The following FOCAD variants were observed in gnomAD, a reference collection of about 807,000 sequenced individuals.
FOCAD encodes KIAA1797.
Under a neutral mutation model 225.6 loss-of-function variants are expected in FOCAD, and 198 were observed. The observed-to-expected ratio is 0.88, with a 90% CI of 0.78 to 0.99. The LOEUF (loss-of-function observed/expected upper bound fraction) is 0.99, where lower values mean the gene tolerates loss of function less well. Among genes scored for constraint, FOCAD ranks in the 50% least tolerant of loss-of-function variants. The pLI is 0.00. For missense variants in FOCAD, 2,713 were observed against 2,123.6 expected, an observed-to-expected ratio of 1.28 and a Z score of -5.46; for synonymous variants, 897 against 755.0, an observed-to-expected ratio of 1.19 and a Z score of -3.08.
intron 22 of FOCAD, among the ~76,000 whole-genome samples, chr9:20,911,386 C>T (rs566472724): frequency 9.9e-5 from 15 of 152,208 alleles, no homozygotes; most frequent in Admixed American, 3.3e-4. Flanking sequence ...ATAAATAGTC[C>T]TTGACCTCAC....
intron 29 of FOCAD, 67 bp downstream of exon 29, chr9:20,944,841 G>A: frequency 6.8e-7 from 1 of 1,474,404 alleles, no homozygotes; most frequent in Non-Finnish European, 9.1e-7. Context: ...CACTTATTTT[G>A]GACTTACCAT....
Position 20,898,179 on chromosome 9 carries a change from T to C in FOCAD, c.2626-8971T>C, listed in dbSNP as rs75318774. ...CAGAATTTAAAAAAATCATTGCTTT[T>C]ATGTAGTTTAAATACAATATACAAA... On this transcript the variant is annotated intron_variant, in intron 21 of 43. Coordinates refer to ENST00000338382, the MANE Select transcript of FOCAD (RefSeq NM_001375567.1). 8.5e-3 allele frequency among the ~76,000 whole-genome samples: 1,288 copies of C among 152,040 alleles called. 3 individuals are homozygous for C. The highest frequency in any genetic ancestry group is 0.011 in the Non-Finnish European group (746 of 67,862).
chr9:20,673,720 A>C (rs1423846009), intron 2 of FOCAD, among the ~76,000 whole-genome samples: 2 of 152,000 alleles, frequency 1.3e-5, no homozygotes, highest in Admixed American at 1.3e-4. Context: ...CTCCCACCTC[A>C]GCCTCCCAGG....
At chr9:20,825,940 A>G (rs1824843687) in intron 15 of FOCAD, among the ~76,000 whole-genome samples, 1 of 152,086 alleles carries the variant, frequency 6.6e-6, no homozygotes, top group Non-Finnish European at 1.5e-5. Flanking sequence ...ATCTTGGCTG[A>G]CCATAAAGGC....
chr9:20,888,470 C>G lies in FOCAD; in HGVS notation c.2625+3240C>G, dbSNP rs569779728. On this transcript the variant is annotated intron_variant, in intron 21 of 43. Coordinates refer to ENST00000338382, the MANE Select transcript of FOCAD (RefSeq NM_001375567.1). ...TTTATAATGTATTTTGAAGAGTGGA[C>G]TTTTCATTTTGAAGAATTTCAACTT... Among the ~76,000 whole-genome samples, 7 of 152,140 alleles carry G rather than the reference C, an allele frequency of 4.6e-5. No homozygotes were observed. The East Asian group carries it at 1.4e-3, about 29-fold the overall frequency.
chr9:20,688,113 A>G (rs1822771547), intron 1 of FOCAD, among the ~76,000 whole-genome samples: 1 of 152,248 alleles, frequency 6.6e-6, no homozygotes, highest in Admixed American at 6.5e-5. Context: ...GTTCTCTTCC[A>G]CACCGTGTTA....
Position 20,948,871 on chromosome 9 carries a change from T to G in FOCAD, c.3819T>G (p.Cys1273Trp). The change falls in exon 32 of 44, where the codon TGT (cysteine) becomes TGG (tryptophan). Residue 1273 changes from cysteine (C) to tryptophan (W), a missense_variant. Transcript: ENST00000338382. ...TTCAGGGCACTCCCACAATGCTTTG[T>G]CTGGCAGCTCTTCATGGCATGGTGG... ...VLTEGTPTML[C>W]LAALHGMVAL... 1 of 1,613,578 alleles carries G rather than the reference T, an allele frequency of 6.2e-7. No homozygotes were observed.
intron 5 of FOCAD, among the ~76,000 whole-genome samples, chr9:20,748,924 A>G (rs887759657): frequency 6.6e-6 from 1 of 152,146 alleles, no homozygotes; most frequent in African/African-American, 2.4e-5. Flanking sequence ...GTAGATGTTT[A>G]ATTGAAAGAT....
chr9:20,831,778 A>G (rs1209633552), intron 15 of FOCAD, among the ~76,000 whole-genome samples: 2 of 152,068 alleles, frequency 1.3e-5, no homozygotes, highest in African/African-American at 4.8e-5. Context: ...TAGAGTTTTG[A>G]AAAGCTTACT....
chr9:20,894,687 A>G (rs1040416720), intron 21 of FOCAD, among the ~76,000 whole-genome samples: 6 of 151,984 alleles, frequency 3.9e-5, no homozygotes, highest in Non-Finnish European at 7.4e-5. Context: ...TAGGTTTTTC[A>G]TAGTTGAGTT....
intron 1 of FOCAD, among the ~76,000 whole-genome samples, chr9:20,710,229 ATTTTTTTTTT>A (rs749860355): frequency 3.9e-5 from 4 of 102,256 alleles, no homozygotes; most frequent in South Asian, 3.5e-4. Context: ...AGTAGCTGAG[ATTTTTTTTTT>A]TTTTTTTTTT....
chr9:20,962,481 C>G (rs1289027107), intron 35 of FOCAD, among the ~76,000 whole-genome samples: 3 of 149,850 alleles, frequency 2.0e-5, no homozygotes, highest in African/African-American at 7.3e-5. Flanking sequence ...GCTAAGTTAC[C>G]TATAAGCAGC....
At chr9:20,824,571 T>A (rs1824674436) in intron 15 of FOCAD, among the ~76,000 whole-genome samples, 1 of 152,048 alleles carries the variant, frequency 6.6e-6, no homozygotes, top group Non-Finnish European at 1.5e-5. Flanking sequence ...TCATTCCATT[T>A]CTCTAAGACA....
intron 21 of FOCAD, among the ~76,000 whole-genome samples, chr9:20,903,821 T>C (rs1268786314): frequency 6.6e-6 from 1 of 151,982 alleles, no homozygotes; most frequent in African/African-American, 2.4e-5. Flanking sequence ...TGTACAACTA[T>C]CACCTCTATT....
At chr9:20,842,845 A>T (rs1271604932) in intron 15 of FOCAD, among the ~76,000 whole-genome samples, 1 of 151,864 alleles carries the variant, frequency 6.6e-6, no homozygotes, top group Admixed American at 6.6e-5. Flanking sequence ...CTCTGGTAAT[A>T]TATTTTAAAT....
intron 7 of FOCAD, among the ~76,000 whole-genome samples, chr9:20,768,441 G>A (rs1337043082): frequency 6.6e-6 from 1 of 151,942 alleles, no homozygotes; most frequent in African/African-American, 2.4e-5. Flanking sequence ...TCACGATATT[G>A]ATTCTTCCTA....
intron 15 of FOCAD, among the ~76,000 whole-genome samples, chr9:20,847,273 G>T (rs147277729): frequency 6.6e-6 from 1 of 152,036 alleles, no homozygotes; most frequent in Non-Finnish European, 1.5e-5. Context: ...TCTACTTTTA[G>T]TTTCTATAAA....
At chr9:20,697,883 A>C (rs546728458) in intron 1 of FOCAD, among the ~76,000 whole-genome samples, 1 of 152,364 alleles carries the variant, frequency 6.6e-6, no homozygotes, top group African/African-American at 2.4e-5. Context: ...TCTCCTGGCA[A>C]ACAATTTAGA....
At position 20,960,164 on chromosome 9, in the gene FOCAD, T is replaced by C. The variant is rs189869626; in HGVS notation, c.4132+7099T>C. Among the ~76,000 whole-genome samples the C allele has an allele frequency of 2.0e-5, 3 of 152,354 alleles. No individual in the cohort carries two copies. In the East Asian group the frequency reaches 5.8e-4, roughly 29 times the overall value. On this transcript the variant is annotated intron_variant, in intron 35 of 43. Coordinates refer to ENST00000338382, the MANE Select transcript of FOCAD (RefSeq NM_001375567.1). ...CTTTTTCAGTTTTTTCTGTGACTTC[T>C]TGACTTTAACGAGTTTTAAGATTAG...
Sources: gnomAD v4.1 joint callset for allele counts (sites outside exome capture counted in the v4.1 genomes callset) on GRCh38, gnomAD v4.1.1 for gene constraint, MANE v1.5 for transcripts, NCBI Gene and HGNC (gene_info 2026-07-23, HGNC 2026-07-21) for gene names.